MYO18A: variants seen among roughly 807,000 people sequenced by gnomAD.
MYO18A encodes unconventional myosin-XVIIIa.
A neutral mutation model predicts 235.8 loss-of-function variants in MYO18A; 78 were observed. The observed-to-expected ratio is 0.33, with a 90% CI of 0.28 to 0.40. MYO18A has a LOEUF of 0.40. Among genes scored for constraint, MYO18A ranks in the 10% least tolerant of loss-of-function variants. The probability of loss-of-function intolerance (pLI) is 1.00; values close to 1 mark genes in which losing one functional copy is unlikely to be tolerated. For synonymous variants in MYO18A, 977 were observed against 1,077.8 expected, an observed-to-expected ratio of 0.91 and a Z score of 1.83; for missense variants, 2,215 against 2,699.3, an observed-to-expected ratio of 0.82 and a Z score of 3.98.
At chr17:29,124,635 G>A (rs547470353) in intron 2 of MYO18A, 12 of 1,278,248 alleles carry the variant, frequency 9.4e-6, no homozygotes, top group Non-Finnish European at 1.2e-5. Flanking sequence ...GCTCCTGAGT[G>A]GGGGGAGAGC....
chr17:29,176,173 T>C (rs2068521880), intron 1 of MYO18A, among the ~76,000 whole-genome samples: 1 of 152,140 alleles, frequency 6.6e-6, no homozygotes, highest in Non-Finnish European at 1.5e-5. Context: ...TACCTAATGA[T>C]TCAACTTTTT....
chr17:29,166,801 T>A lies in MYO18A; in HGVS notation c.140A>T (p.Asn47Ile), dbSNP rs1192608595. Residue 47 changes from asparagine to isoleucine, a missense_variant, in exon 2 of 42, where the codon AAC (asparagine) becomes ATC (isoleucine). Transcript: ENST00000527372. ...TTCACGCTTGGAGGAGCGGTTCAGG[T>A]TGAAGAAGCCACGTCGCAGGCTCAT... ...EEMSLRRGFF[N>I]LNRSSKRESK... The A allele has an allele frequency of 6.2e-7, 1 of 1,609,048 alleles. No individual in the cohort carries two copies. The highest frequency in any genetic ancestry group is 8.5e-7 in the Non-Finnish European group (1 of 1,177,882).
In MYO18A at chr17:29,117,996, G is replaced by A; in HGVS notation, c.2038+49C>T. 1 of 1,551,042 alleles carries A rather than the reference G, an allele frequency of 6.4e-7. No homozygotes were observed. The highest frequency in any genetic ancestry group is 8.7e-7 in the Non-Finnish European group (1 of 1,147,180). ...AACTGGGAGTGGGCAGGGTCCCTGTGAGGTCACCCAGGGGACAGGCCAGCC... is the reference window on the plus strand; with the variant it reads ...AACTGGGAGTGGGCAGGGTCCCTGTAAGGTCACCCAGGGGACAGGCCAGCC... On this transcript the variant is annotated intron_variant, in intron 10 of 41. Coordinates refer to ENST00000527372, the MANE Select transcript of MYO18A (RefSeq NM_078471.4). The surrounding 1 kb of genome is among the most constrained non-coding windows in gnomAD (Gnocchi z 4.6).
chr17:29,147,961 G>T (rs929766436), intron 2 of MYO18A, among the ~76,000 whole-genome samples: 9 of 151,444 alleles, frequency 5.9e-5, no homozygotes, highest in African/African-American at 2.2e-4. Context: ...GGTCTGCCTA[G>T]GATTCTGGCA....
chr17:29,164,230 C>A (rs1246355574), intron 2 of MYO18A, among the ~76,000 whole-genome samples: 2 of 152,224 alleles, frequency 1.3e-5, no homozygotes, highest in Admixed American at 1.3e-4. Flanking sequence ...CCTTGTTCTT[C>A]CCTCTCTACC....
rs769775452 is a variant in MYO18A, at chr17:29,111,612, C to T, written c.2741-29G>A. 3.1e-5 allele frequency: 50 copies of T among 1,613,240 alleles called. No individual in the cohort carries two copies. The highest frequency in any genetic ancestry group is 3.2e-5 in the Non-Finnish European group (38 of 1,179,626). On this transcript the variant is annotated intron_variant, in intron 16 of 41. Coordinates refer to ENST00000527372, the MANE Select transcript of MYO18A (RefSeq NM_078471.4). This position sits in a 1 kb window ranked among gnomAD's most constrained non-coding sequence, Gnocchi z 5.1. ...ATGGTGGGAGAAGCAAGATTTAGGT[C>T]GTCAGGGTACAGGCACAAAGTGACC...
chr17:29,098,067 T>C, intron 25 of MYO18A, 38 bp downstream of exon 25: 1 of 1,608,078 alleles, frequency 6.2e-7, no homozygotes, highest in Non-Finnish European at 8.5e-7. Context: ...GGTATGGCAG[T>C]CACCAGCCTG....
chr17:29,112,945 G>A (rs996994357), intron 15 of MYO18A, among the ~76,000 whole-genome samples: 7 of 152,172 alleles, frequency 4.6e-5, no homozygotes, highest in Non-Finnish European at 7.4e-5. Flanking sequence ...GCTTGGCACC[G>A]AGGGCCCCTT....
intron 2 of MYO18A, chr17:29,127,754 G>A: frequency 4.8e-6 from 3 of 626,630 alleles, no homozygotes; most frequent in Non-Finnish European, 6.0e-6. Flanking sequence ...GGTCATGCGG[G>A]GTTCGCTGAG....
At chr17:29,136,026 G>C (rs1771638146) in intron 2 of MYO18A, among the ~76,000 whole-genome samples, 1 of 152,036 alleles carries the variant, frequency 6.6e-6, no homozygotes, top group Non-Finnish European at 1.5e-5. Flanking sequence ...TCAGGAGTTT[G>C]AGACCAGCCT....
At chr17:29,175,798 A>G (rs534368783) in intron 1 of MYO18A, among the ~76,000 whole-genome samples, 10 of 152,186 alleles carry the variant, frequency 6.6e-5, no homozygotes, top group Admixed American at 3.3e-4. Flanking sequence ...AGTGGCTCAC[A>G]CCTGTAATCC....
chr17:29,148,877 T>C (rs1276379279), intron 2 of MYO18A, among the ~76,000 whole-genome samples: 1 of 152,088 alleles, frequency 6.6e-6, no homozygotes. Context: ...TCAGGCTCTG[T>C]GAGGGCCGAG....
chr17:29,100,396 A>G (rs1346688477), intron 21 of MYO18A, among the ~76,000 whole-genome samples: 1 of 152,172 alleles, frequency 6.6e-6, no homozygotes, highest in East Asian at 1.9e-4. Context: ...CCACCCCCCA[A>G]CACACACCCA....
At chr17:29,136,250 A>AAATATATATAT (rs1483354837) in intron 2 of MYO18A, among the ~76,000 whole-genome samples, 5 of 82,468 alleles carry the variant, frequency 6.1e-5, no homozygotes, top group African/African-American at 2.3e-4. Flanking sequence ...AAAAAAAAAA[A>AAATATATATAT]ATATATATAT....
chr17:29,173,344 G>A (rs2068449243), intron 1 of MYO18A, among the ~76,000 whole-genome samples: 1 of 151,378 alleles, frequency 6.6e-6, no homozygotes, highest in South Asian at 2.1e-4. Context: ...TGCCTGCCTC[G>A]GCCTTCCAAA....
chr17:29,166,201 C>A lies in MYO18A; in HGVS notation c.740G>T (p.Gly247Val), dbSNP rs779913724. Residue 247 changes from glycine to valine, a missense_variant, in exon 2 of 42, where the codon GGC becomes GTC. Coordinates refer to ENST00000527372, the MANE Select transcript of MYO18A (RefSeq NM_078471.4). ...GTGGACCACACGCCGACAGGCCTGG[C>A]CCTCGGGGCCCCGATCCAGCATGGT... ...RTTMLDRGPEGQACRRVVHFA... is the reference protein window; with the variant it reads ...RTTMLDRGPEVQACRRVVHFA... 6.2e-7 allele frequency: 1 copy of A among 1,612,740 alleles called. No individual in the cohort carries two copies. Among genetic ancestry groups the A allele is most frequent in the Admixed American group, 1.7e-5 (1 of 60,030 alleles).
intron 1 of MYO18A, among the ~76,000 whole-genome samples, chr17:29,175,928 G>C (rs902391479): frequency 6.6e-6 from 1 of 152,016 alleles, no homozygotes; most frequent in Non-Finnish European, 1.5e-5. Flanking sequence ...GCGTGGTGGC[G>C]GGCGCCTGTA....
At chr17:29,079,937 TTC>T (rs1439217076) in intron 41 of MYO18A, 2 of 985,802 alleles carry the variant, frequency 2.0e-6, no homozygotes, top group African/African-American at 3.5e-5. Flanking sequence ...TCCGTCTCCG[TTC>T]TCTTTCTTCT....
At chr17:29,171,176 G>A (rs892459639) in intron 1 of MYO18A, among the ~76,000 whole-genome samples, 2 of 152,202 alleles carry the variant, frequency 1.3e-5, no homozygotes, top group African/African-American at 2.4e-5. Context: ...TCAGCCAGGC[G>A]CGTTGGCTCA....
Sources: allele counts gnomAD v4.1 joint callset (sites outside exome capture counted in the v4.1 genomes callset), GRCh38; gene constraint gnomAD v4.1.1; non-coding constraint Gnocchi (gnomAD v3.1); transcripts MANE v1.5; gene names NCBI Gene and HGNC (gene_info 2026-07-23, HGNC 2026-07-21).